Variants in MYOF observed in about 807,000 individuals in gnomAD.
MYOF encodes myoferlin.
Under a neutral mutation model 284.2 loss-of-function variants are expected in MYOF, and 244 were observed. The observed-to-expected ratio is 0.86, with a 90% CI of 0.77 to 0.95. The LOEUF (loss-of-function observed/expected upper bound fraction) is 0.95, where lower values mean the gene tolerates loss of function less well. Ranked by LOEUF, MYOF falls within the 40% of genes least tolerant of loss-of-function variation. The pLI, the probability that MYOF is intolerant of heterozygous loss-of-function variation, is 0.00. For synonymous variants in MYOF, 904 were observed against 919.7 expected (o/e 0.98, Z 0.31); for missense variants, 2,496 against 2,560.6 (o/e 0.97, Z 0.54).
chr10:93,444,491 C>T (rs1283982492), intron 3 of MYOF, among the ~76,000 whole-genome samples: 1 of 152,200 alleles, frequency 6.6e-6, no homozygotes, highest in East Asian at 1.9e-4. Context: ...CATGTATTTG[C>T]TCACACAGAC....
At chr10:93,362,900 T>C (rs959267617) in intron 27 of MYOF, among the ~76,000 whole-genome samples, 8 of 152,222 alleles carry the variant, frequency 5.3e-5, no homozygotes, top group Non-Finnish European at 1.0e-4. Context: ...AAATTTTATA[T>C]GCATTTAAAC....
At chr10:93,399,642 G>C (rs1386682594) in intron 12 of MYOF, 147 bp from the exon 13 acceptor site, 2 of 602,110 alleles carry the variant, frequency 3.3e-6, no homozygotes, top group South Asian at 2.1e-5. Flanking sequence ...GAGAGGCCAA[G>C]GCTGGTGGAT....
chr10:93,403,314 T>TG (rs1847392152), intron 9 of MYOF, among the ~76,000 whole-genome samples: 1 of 152,262 alleles, frequency 6.6e-6, no homozygotes, highest in African/African-American at 2.4e-5. Context: ...AACCATTGAC[T>TG]GGGCACTTCA....
At chr10:93,424,217 A>G (rs1848483223) in intron 5 of MYOF, among the ~76,000 whole-genome samples, 1 of 152,252 alleles carries the variant, frequency 6.6e-6, no homozygotes, top group South Asian at 2.1e-4. Flanking sequence ...GAGAAACGAC[A>G]GTATGAAGAA....
chr10:93,326,699 A>G (rs1324916667), intron 45 of MYOF, among the ~76,000 whole-genome samples: 1 of 152,120 alleles, frequency 6.6e-6, no homozygotes, highest in Non-Finnish European at 1.5e-5. Flanking sequence ...ATCTCGGCTC[A>G]CTGCAACCCC....
rs1213310646 is a variant in MYOF at position 93,396,231 on chromosome 10, AAAAAAT to A, written c.1335-13_1335-8del. 6.4e-7 allele frequency: 1 copy of A among 1,564,076 alleles called. No individual in the cohort carries two copies. Among genetic ancestry groups the A allele is most frequent in the Admixed American group, 1.8e-5 (1 of 54,382 alleles). Reference sequence around the variant, plus strand: ...ATTTTTAGTAAGACGGTCCCTGTGTAAAAAATAAAAATAAAAAAATAAAAAATAAAA... The same window carrying A: ...ATTTTTAGTAAGACGGTCCCTGTGTAAAAAATAAAAAAATAAAAAATAAAA... On this transcript the variant is annotated splice_polypyrimidine_tract_variant and splice_region_variant and intron_variant, in intron 15 of 53. Coordinates refer to ENST00000359263, the MANE Select transcript of MYOF (RefSeq NM_013451.4).
intron 15 of MYOF, among the ~76,000 whole-genome samples, chr10:93,396,919 T>C (rs140518676): frequency 6.6e-6 from 1 of 152,318 alleles, no homozygotes; most frequent in South Asian, 2.1e-4. Context: ...AATGTTTTGG[T>C]GATTCTTCCC....
intron 5 of MYOF, among the ~76,000 whole-genome samples, chr10:93,420,815 G>A (rs931965930): frequency 1.1e-4 from 17 of 152,024 alleles, no homozygotes; most frequent in African/African-American, 3.6e-4. Flanking sequence ...TTTTTTGCTC[G>A]AGGAAAGAAA....
rs1484531949 is a variant in MYOF at position 93,329,728 on chromosome 10, C to G, written c.4918G>C (p.Asp1640His). The change falls in exon 44 of 54, where the codon GAT becomes CAT. Residue 1640 changes from aspartate (D) to histidine (H), a missense_variant. By Grantham distance (81) the Asp-to-His change is moderately conservative (BLOSUM62 -1). Around this residue, in one of 3 missense-constraint regions of MYOF, gnomAD observed 2,436 missense variants for 2,480.7 expected, o/e 0.98. Transcript: ENST00000359263. ...RDEKVGETII[D>H]LENRFLSRFG... Reference sequence around the variant, plus strand: ...CGGGAAAGGAATCGGTTTTCCAGATCAATAATTGTTTCTCCTACTTTTTCA... The same window carrying G: ...CGGGAAAGGAATCGGTTTTCCAGATGAATAATTGTTTCTCCTACTTTTTCA... The G allele has an allele frequency of 1.2e-6, 2 of 1,614,200 alleles. No individual in the cohort carries two copies. The highest frequency in any genetic ancestry group is 2.2e-5 in the South Asian group (2 of 91,086).
chr10:93,401,577 C>A, intron 11 of MYOF, 33 bp from the exon 12 acceptor site: 1 of 1,604,680 alleles, frequency 6.2e-7, no homozygotes, highest in Non-Finnish European at 8.5e-7. Flanking sequence ...ATTATACATA[C>A]AGAAAAGCAG....
At chr10:93,418,599 T>G (rs1190397121) in intron 5 of MYOF, among the ~76,000 whole-genome samples, 1 of 152,116 alleles carries the variant, frequency 6.6e-6, no homozygotes. Context: ...AGCCCAGAGA[T>G]CTATGTCTCC....
At position 93,397,067 on chromosome 10, in the gene MYOF, C is replaced by CT. The variant is rs34769417; in HGVS notation, c.1334+179dup. The CT allele has an allele frequency of 3.0e-3, 1,502 of 508,018 alleles. 18 individuals carry two copies. Among genetic ancestry groups the CT allele is most frequent in the South Asian group, 0.013 (386 of 29,012 alleles). The allele number at this position is 508,018 out of a possible 1,614,324, so 31.5% of individuals were successfully genotyped here. A position where few individuals can be genotyped will look rare whatever the true frequency, so the allele number is the denominator to read the frequency against. ...AGCAGTTGAACCGAAATAATCGAAG[C>CT]TTTTTTTGCAGTAACACTATTATTA... On this transcript the variant is annotated intron_variant, in intron 15 of 53. Coordinates refer to ENST00000359263, the MANE Select transcript of MYOF (RefSeq NM_013451.4).
In MYOF at chr10:93,325,925, T is replaced by C; in HGVS notation, c.5172A>G (p.Glu1724=). ...TGAGGATGTGAAGAGCAAGCCGCTC[T>C]TCAGGGGCCCCGAGGTGCTGGTGCA... is the stretch of plus-strand genomic sequence containing the variant. The part of the protein sequence containing the change: ...KILHQHLGAP[E]ERLALHILRT... The change falls in exon 46 of 54, where the codon GAA becomes GAG. Residue 1724 remains glutamate, a synonymous_variant. Transcript: ENST00000359263. The C allele has an allele frequency of 6.2e-7, 1 of 1,614,102 alleles. No individual in the cohort carries two copies. The highest frequency in any genetic ancestry group is 1.1e-5 in the South Asian group (1 of 91,070).
At chr10:93,343,120 G>C (rs149553362) in intron 38 of MYOF, among the ~76,000 whole-genome samples, 13 of 152,254 alleles carry the variant, frequency 8.5e-5, no homozygotes, top group African/African-American at 2.4e-4. Context: ...TTTTGGGCTA[G>C]TTTGCACATT....
intron 1 of MYOF, among the ~76,000 whole-genome samples, chr10:93,474,227 CT>C (rs2057211167): frequency 6.6e-6 from 1 of 152,172 alleles, no homozygotes; most frequent in Non-Finnish European, 1.5e-5. Context: ...AGTAAGCCTT[CT>C]TACTAGTCTC....
rs927407103 is a variant in MYOF at position 93,379,896 on chromosome 10, C to T, written c.1968G>A (p.Ala656=). Residue 656 remains alanine (A), a synonymous_variant, in exon 21 of 54, where the codon GCG becomes GCA. Coordinates refer to ENST00000359263, the MANE Select transcript of MYOF (RefSeq NM_013451.4). The part of the protein sequence containing the change: ...YWEDISHRLD[A]VNTLLAMAER... The stretch of plus-strand genomic sequence containing the variant: ...CTGCCATAGCTAGGAGAGTGTTCAC[C>T]GCATCCAGGCGATGACTAATATCCT... The T allele has an allele frequency of 1.6e-5, 26 of 1,613,900 alleles. No individual in the cohort carries two copies. The highest frequency in any genetic ancestry group is 6.7e-5 in the African/African-American group (5 of 74,890).
chr10:93,389,208 A>G, intron 17 of MYOF, 54 bp from the exon 18 acceptor site: 1 of 1,559,106 alleles, frequency 6.4e-7, no homozygotes, highest in Non-Finnish European at 8.7e-7. Flanking sequence ...CAATCTATTG[A>G]AATAAATATT....
intron 43 of MYOF, among the ~76,000 whole-genome samples, chr10:93,332,641 T>G (rs1039269070): frequency 6.6e-5 from 10 of 151,428 alleles, no homozygotes; most frequent in Admixed American, 5.9e-4. Context: ...GTCAGGAGAT[T>G]GAGACCACCC....
chr10:93,342,221 C>T (rs183802755), intron 38 of MYOF, among the ~76,000 whole-genome samples: 1 of 152,276 alleles, frequency 6.6e-6, no homozygotes, highest in Admixed American at 6.5e-5. Flanking sequence ...CCTCCATTTA[C>T]CCAGATACAA....
Sources: allele counts gnomAD v4.1 joint callset (sites outside exome capture counted in the v4.1 genomes callset), GRCh38; gene constraint gnomAD v4.1.1; regional missense constraint gnomAD v4.1.1; transcripts MANE v1.5; gene names NCBI Gene and HGNC (gene_info 2026-07-23, HGNC 2026-07-21).